Variants in STX19 observed in about 807,000 individuals in gnomAD.
STX19 encodes syntaxin-19.
In STX19, 26 loss-of-function variants were observed where a neutral mutation model predicts 24.3. That is an observed-to-expected ratio of 1.07 (90% CI 0.78 to 1.48). The LOEUF is 1.48. Ranked by LOEUF, STX19 falls within the 40% of genes most tolerant of loss-of-function variation. STX19 has a pLI of 0.00. For synonymous variants in STX19, 116 were observed against 106.9 expected, an observed-to-expected ratio of 1.09 and a Z score of -0.52; for missense variants, 367 against 331.9, an observed-to-expected ratio of 1.11 and a Z score of -0.82.
chr3:94,021,604 G>C (rs2076450385), intron 1 of STX19, among the ~76,000 whole-genome samples: 1 of 152,158 alleles, frequency 6.6e-6, no homozygotes. Context: ...CTTTGTGAAA[G>C]CAGAATTATC....
At chr3:94,024,866 G>A (rs1049299991) in intron 1 of STX19, among the ~76,000 whole-genome samples, 2 of 152,080 alleles carry the variant, frequency 1.3e-5, no homozygotes, top group African/African-American at 2.4e-5. Context: ...GGGATTATAG[G>A]CATGAGCTAG....
In STX19 at chr3:94,015,085, T is replaced by G; in HGVS notation, c.185A>C (p.Asn62Thr). The change falls in exon 2 of 2, where the codon AAC becomes ACC. Residue 62 changes from asparagine (N) to threonine (T), a missense_variant. Asn to Thr is a moderately conservative substitution (Grantham distance 65, BLOSUM62 0). Transcript: ENST00000315099. ...TTTTTGAACATTATCTGCCAAATTG[T>G]TAATACTTTCCTGTAGTTTTTGGAT... ...HEIQKLQESINNLADNVQKFG... is the reference protein window; with the variant it reads ...HEIQKLQESITNLADNVQKFG... The G allele has an allele frequency of 6.2e-7, 1 of 1,613,876 alleles. No individual in the cohort carries two copies.
chr3:94,019,090 T>C (rs1182245469), intron 1 of STX19, among the ~76,000 whole-genome samples: 1 of 151,778 alleles, frequency 6.6e-6, no homozygotes. Context: ...ACTTTTTTTT[T>C]CTACATTTCA....
At chr3:94,028,302 G>A (rs2107062071) in intron 1 of STX19, 65 bp downstream of exon 1, 1 of 152,274 alleles carries the variant, frequency 6.6e-6, no homozygotes, top group Non-Finnish European at 1.5e-5. Context: ...AAATGTAACA[G>A]TGTAACCAGA....
rs1210521298 is a variant in STX19 at position 94,014,495 on chromosome 3, C to G, written c.775G>C (p.Glu259Gln). ...TTCTCTTTAGTATTGTTAACATACT[C>G]TTTTGTACTATTCACTGTCATTTCA... ...NIEMTVNSTKEYVNNTKEKFG... is the reference protein window; with the variant it reads ...NIEMTVNSTKQYVNNTKEKFG... Residue 259 changes from glutamate to glutamine, a missense_variant, in exon 2 of 2, where the codon GAG (glutamate) becomes CAG (glutamine). Physicochemically the swap from Glu to Gln is conservative, Grantham distance 29. Coordinates refer to ENST00000315099, the MANE Select transcript of STX19 (RefSeq NM_001001850.3). 1 of 1,611,328 alleles carries G rather than the reference C, an allele frequency of 6.2e-7. No individual in the cohort carries two copies.
At position 94,015,119 on chromosome 3, in the gene STX19, G is replaced by C. The variant is rs144715706; in HGVS notation, c.151C>G (p.Leu51Val). The change falls in exon 2 of 2, where the codon CTA becomes GTA. Residue 51 changes from leucine (L) to valine (V), a missense_variant. Leu to Val is a conservative substitution (Grantham distance 32). Transcript: ENST00000315099. ...YEREPVAERHLHEIQKLQESI... is the reference protein window; with the variant it reads ...YEREPVAERHVHEIQKLQESI... ...TCCTGTAGTTTTTGGATTTCATGTA[G>C]GTGTCTCTCAGCTACAGGCTCTCTT... The C allele has an allele frequency of 6.2e-7, 1 of 1,613,880 alleles. No individual in the cohort carries two copies. Among genetic ancestry groups the C allele is most frequent in the South Asian group, 1.1e-5 (1 of 91,040 alleles).
At chr3:94,019,910 A>G (rs2076413066) in intron 1 of STX19, among the ~76,000 whole-genome samples, 1 of 152,060 alleles carries the variant, frequency 6.6e-6, no homozygotes, top group Non-Finnish European at 1.5e-5. Flanking sequence ...TTTTTCCCCA[A>G]CCCAGTCCTT....
chr3:94,014,401 C>T lies in STX19; in HGVS notation c.869G>A (p.Cys290Tyr), dbSNP rs769596554. 1.3e-6 allele frequency: 2 copies of T among 1,541,934 alleles called. No individual in the cohort carries two copies. Among genetic ancestry groups the T allele is most frequent in the South Asian group, 1.3e-5 (1 of 76,580 alleles). Residue 290 changes from cysteine to tyrosine, a missense_variant, in exon 2 of 2, where the codon TGC (cysteine) becomes TAC (tyrosine). Transcript: ENST00000315099. ...CRVLCCWCCP[C>Y]CSSK ...ATAGCTTCTTTATTTTGAGCTACAG[C>T]ATGGACAGCACCAACAACACAGTAC...
intron 1 of STX19, among the ~76,000 whole-genome samples, chr3:94,022,586 C>A (rs1251864266): frequency 6.6e-6 from 1 of 151,852 alleles, no homozygotes; most frequent in Non-Finnish European, 1.5e-5. Flanking sequence ...TGTGACTACC[C>A]AAATATTATT....
At chr3:94,025,250 C>CA (rs1452787179) in intron 1 of STX19, among the ~76,000 whole-genome samples, 7 of 150,934 alleles carry the variant, frequency 4.6e-5, no homozygotes, top group African/African-American at 1.7e-4. Flanking sequence ...AATTTACAAG[C>CA]AAAAAACAAA....
chr3:94,020,915 G>T (rs1210018237), intron 1 of STX19, among the ~76,000 whole-genome samples: 2 of 152,070 alleles, frequency 1.3e-5, no homozygotes, highest in African/African-American at 2.4e-5. Flanking sequence ...TAAGCTGGAA[G>T]GAGATTCCAT....
At chr3:94,017,748 G>A (rs944430173) in intron 1 of STX19, among the ~76,000 whole-genome samples, 8 of 152,294 alleles carry the variant, frequency 5.3e-5, no homozygotes, top group Non-Finnish European at 1.0e-4. Flanking sequence ...GAGACTGAAT[G>A]TTGAGAAGCC....
At chr3:94,025,569 A>G (rs1012795440) in intron 1 of STX19, among the ~76,000 whole-genome samples, 2 of 152,194 alleles carry the variant, frequency 1.3e-5, no homozygotes, top group Admixed American at 6.5e-5. Context: ...AATGTGGGCA[A>G]GTGTATTTAG....
intron 1 of STX19, among the ~76,000 whole-genome samples, chr3:94,027,890 G>A (rs934742290): frequency 1.2e-4 from 18 of 152,014 alleles, no homozygotes; most frequent in African/African-American, 3.9e-4. Context: ...GAAGATTCTA[G>A]TAAACAACAA....
In STX19 at chr3:94,015,934, T is replaced by C. The variant is rs2076324931; in HGVS notation, c.-13-652A>G. Among the ~76,000 whole-genome samples, 5 of 152,270 alleles carry C rather than the reference T, an allele frequency of 3.3e-5. No homozygotes were observed. The South Asian group carries it at 8.3e-4, about 25-fold the overall frequency. ...TTCTTAGCATTCTTTTGCAAAGATA[T>C]CCAGACTGTCTTAGAACAAAATTTA... On this transcript the variant is annotated intron_variant, in intron 1 of 1. Coordinates refer to ENST00000315099, the MANE Select transcript of STX19 (RefSeq NM_001001850.3).
intron 1 of STX19, among the ~76,000 whole-genome samples, chr3:94,018,069 A>C (rs1217895458): frequency 1.3e-5 from 2 of 152,190 alleles, no homozygotes; most frequent in Non-Finnish European, 2.9e-5. Flanking sequence ...TAATTTAAAA[A>C]AATTTTAAAC....
Position 94,015,259 on chromosome 3 carries a change from C to T in STX19, c.11G>A (p.Arg4Gln), listed in dbSNP as rs771048343. Residue 4 changes from arginine (R) to glutamine (Q), a missense_variant, in exon 2 of 2, where the codon CGA becomes CAA. Physicochemically the swap from Arg to Gln is conservative, Grantham distance 43. Coordinates refer to ENST00000315099, the MANE Select transcript of STX19 (RefSeq NM_001001850.3). Reference protein sequence around the residue: MKDRLQELKQRTKE... With the variant: MKDQLQELKQRTKE... ...TGTTCTCTGCTTTAGTTCTTGAAGT[C>T]GGTCTTTCATCTTCCCTTTCCTCCT... is the stretch of plus-strand genomic sequence containing the variant. 1.6e-5 allele frequency: 25 copies of T among 1,537,148 alleles called. No homozygotes were observed. Among genetic ancestry groups the T allele is most frequent in the South Asian group, 1.5e-4 (12 of 78,376 alleles).
At chr3:94,023,261 G>C (rs1244983827) in intron 1 of STX19, among the ~76,000 whole-genome samples, 2 of 152,106 alleles carry the variant, frequency 1.3e-5, no homozygotes, top group African/African-American at 4.8e-5. Flanking sequence ...TGAAAGTTTT[G>C]TTACTACATC....
intron 1 of STX19, among the ~76,000 whole-genome samples, chr3:94,025,338 T>C (rs1399506007): frequency 2.0e-5 from 3 of 152,218 alleles, no homozygotes; most frequent in Admixed American, 2.0e-4. Context: ...TTCCTTTCAG[T>C]GTTATACATC....
Sources: gnomAD v4.1 joint callset for allele counts (sites outside exome capture counted in the v4.1 genomes callset) on GRCh38, gnomAD v4.1.1 for gene constraint, MANE v1.5 for transcripts, NCBI Gene and HGNC (gene_info 2026-07-23, HGNC 2026-07-21) for gene names.